Variants in RIT2 observed in about 807,000 individuals in gnomAD.
RIT2 encodes the protein GTP-binding protein Rit2.
Under a neutral mutation model 23.7 loss-of-function variants are expected in RIT2, and 24 were observed. The ratio of observed to expected loss-of-function variants is 1.01; its 90% CI spans 0.73 to 1.43. The LOEUF (loss-of-function observed/expected upper bound fraction) is 1.43, where lower values mean the gene tolerates loss of function less well. Among genes scored for constraint, RIT2 ranks in the 40% most tolerant of loss-of-function variants. The pLI, the probability that RIT2 is intolerant of heterozygous loss-of-function variation, is 0.00. For synonymous variants in RIT2, 107 were observed against 91.1 expected (o/e 1.17, Z -0.99); for missense variants, 236 against 266.9 (o/e 0.88, Z 0.81).
At chr18:43,059,121 G>A (rs1257106008) in intron 1 of RIT2, among the ~76,000 whole-genome samples, 1 of 151,768 alleles carries the variant, frequency 6.6e-6, no homozygotes, top group Non-Finnish European at 1.5e-5. Context: ...TTTCCAAAGA[G>A]GAATGACATG....
intron 4 of RIT2, among the ~76,000 whole-genome samples, chr18:42,898,399 A>G (rs192562310): frequency 2.2e-3 from 330 of 152,206 alleles, no homozygotes; most frequent in Non-Finnish European, 3.9e-3. Flanking sequence ...CCCAAAACAA[A>G]ATCAACAACA....
At chr18:43,064,103 A>G (rs1912716322) in intron 1 of RIT2, among the ~76,000 whole-genome samples, 1 of 152,226 alleles carries the variant, frequency 6.6e-6, no homozygotes, top group Non-Finnish European at 1.5e-5. Context: ...ATAAGGTCTG[A>G]TAAAGTAATA....
At chr18:43,037,951 T>C (rs146622764) in intron 1 of RIT2, among the ~76,000 whole-genome samples, 2,392 of 152,096 alleles carry the variant, frequency 0.016, 56 homozygotes, top group African/African-American at 0.052. Flanking sequence ...ATGCCTGTAA[T>C]CCCAGTACTT....
chr18:42,991,454 G>A (rs76031702), intron 2 of RIT2, among the ~76,000 whole-genome samples: 4,894 of 152,204 alleles, frequency 0.032, 259 homozygotes, highest in African/African-American at 0.11. Context: ...GGTGATGTAA[G>A]CAATATATAC....
chr18:42,859,797 T>C (rs2144047823), intron 4 of RIT2, among the ~76,000 whole-genome samples: 1 of 151,940 alleles, frequency 6.6e-6, no homozygotes, highest in East Asian at 1.9e-4. Context: ...TGAGACAGGA[T>C]GTCGCCCTGT....
chr18:43,088,732 C>T (rs1913346638), intron 1 of RIT2, among the ~76,000 whole-genome samples: 1 of 152,054 alleles, frequency 6.6e-6, no homozygotes, highest in South Asian at 2.1e-4. Context: ...TTCCACTTTG[C>T]TTGGATTGTT....
intron 4 of RIT2, among the ~76,000 whole-genome samples, chr18:42,828,898 T>C (rs569744032): frequency 2.6e-5 from 4 of 152,218 alleles, no homozygotes; most frequent in Non-Finnish European, 4.4e-5. Flanking sequence ...AGGCATAGAC[T>C]ATCTTAAATA....
At chr18:42,982,144 A>G (rs1405441436) in intron 2 of RIT2, among the ~76,000 whole-genome samples, 1 of 152,192 alleles carries the variant, frequency 6.6e-6, no homozygotes, top group Admixed American at 6.5e-5. Context: ...TTGAGTACCA[A>G]GAAAGCCAAC....
intron 2 of RIT2, among the ~76,000 whole-genome samples, chr18:42,977,359 C>A (rs963906383): frequency 1.3e-5 from 2 of 152,040 alleles, no homozygotes; most frequent in African/African-American, 2.4e-5. Flanking sequence ...TTTTATGTAG[C>A]ATTTATATTA....
At chr18:42,905,998 ATATATATACATATATATATATATG>A (rs1568026783) in intron 4 of RIT2, among the ~76,000 whole-genome samples, 607 of 2,902 alleles carry the variant, frequency 0.21, 5 homozygotes, top group African/African-American at 0.38. Context: ...ATATGTATAT[ATATATATACATATATATATATATG>A]TATATATATA....
At chr18:42,981,113 T>C (rs1910588067) in intron 2 of RIT2, among the ~76,000 whole-genome samples, 1 of 152,112 alleles carries the variant, frequency 6.6e-6, no homozygotes, top group African/African-American at 2.4e-5. Flanking sequence ...CTCCAGTTCT[T>C]TGTGTCTGCC....
intron 2 of RIT2, among the ~76,000 whole-genome samples, chr18:43,024,755 T>C (rs1911672464): frequency 6.6e-6 from 1 of 151,388 alleles, no homozygotes; most frequent in Non-Finnish European, 1.5e-5. Flanking sequence ...AAATAGCTCA[T>C]TATAAAGTGG....
intron 4 of RIT2, among the ~76,000 whole-genome samples, chr18:42,818,672 G>T (rs1033488436): frequency 6.6e-6 from 1 of 151,968 alleles, no homozygotes; most frequent in Non-Finnish European, 1.5e-5. Flanking sequence ...AATACTGTAC[G>T]CATGCTACTG....
In RIT2 at chr18:42,931,793, A is replaced by G. The variant is rs147023234; in HGVS notation, c.235-8030T>C. On this transcript the variant is annotated intron_variant, in intron 3 of 4. Coordinates refer to ENST00000326695, the MANE Select transcript of RIT2 (RefSeq NM_002930.4). ...CATCTACTGCAGTTTAGTCATTCCC[A>G]ATGTGATACTGAAAGGATGATCTCA... Among the ~76,000 whole-genome samples the G allele has an allele frequency of 1.1e-3, 173 of 152,284 alleles. 1 individual carries two copies. Among genetic ancestry groups the G allele is most frequent in the Middle Eastern group, 0.01 (3 of 294 alleles).
chr18:42,768,291 G>T (rs1000337684), intron 4 of RIT2, among the ~76,000 whole-genome samples: 1 of 152,074 alleles, frequency 6.6e-6, no homozygotes, highest in African/African-American at 2.4e-5. Flanking sequence ...AGGATGGCAG[G>T]CTCAAGTGCT....
At chr18:43,033,619 G>A (rs111383677) in intron 2 of RIT2, among the ~76,000 whole-genome samples, 192 bp downstream of exon 2, 15 of 152,170 alleles carry the variant, frequency 9.9e-5, no homozygotes, top group South Asian at 6.2e-4. Flanking sequence ...CAGACTACCC[G>A]GCAAGAAGTA....
At chr18:42,827,288 T>C (rs1476231985) in intron 4 of RIT2, among the ~76,000 whole-genome samples, 1 of 152,060 alleles carries the variant, frequency 6.6e-6, no homozygotes, top group Non-Finnish European at 1.5e-5. Flanking sequence ...GGTTTTCTAA[T>C]TGAGAAAAAT....
chr18:43,102,318 T>C (rs1913702524), intron 1 of RIT2, among the ~76,000 whole-genome samples: 2 of 152,196 alleles, frequency 1.3e-5, no homozygotes, highest in African/African-American at 4.8e-5. Context: ...TTTGTTATGT[T>C]AGTAAACATT....
intron 1 of RIT2, among the ~76,000 whole-genome samples, chr18:43,083,234 A>C (rs941217861): frequency 9.2e-5 from 14 of 152,208 alleles, no homozygotes; most frequent in African/African-American, 3.1e-4. Flanking sequence ...AAGAGAGGAC[A>C]CAAACAAATG....
Sources: gnomAD v4.1 joint callset for allele counts (sites outside exome capture counted in the v4.1 genomes callset) on GRCh38, gnomAD v4.1.1 for gene constraint, MANE v1.5 for transcripts, NCBI Gene and HGNC (gene_info 2026-07-23, HGNC 2026-07-21) for gene names.